The following UNC5D variants were observed in gnomAD, a reference collection of about 807,000 sequenced individuals.
The protein encoded by UNC5D is unc-5 netrin receptor D, also known as netrin receptor UNC5D.
A neutral mutation model predicts 105.4 loss-of-function variants in UNC5D; 39 were observed. The observed-to-expected ratio is 0.37, with a 90% CI of 0.29 to 0.48. The LOEUF is 0.48. Among genes scored for constraint, UNC5D ranks in the 20% least tolerant of loss-of-function variants. The pLI, the probability that UNC5D is intolerant of heterozygous loss-of-function variation, is 0.98. For missense variants in UNC5D, 991 were observed against 1,202.4 expected (o/e 0.82, Z 2.60); for synonymous variants, 452 against 450.4 (o/e 1.00, Z -0.04).
intron 3 of UNC5D, among the ~76,000 whole-genome samples, chr8:35,589,121 A>G (rs1250849932): frequency 6.6e-6 from 1 of 152,136 alleles, no homozygotes; most frequent in Non-Finnish European, 1.5e-5. Context: ...GTATTTAATA[A>G]TAATACAATT....
chr8:35,523,605 T>TAA (rs1389020640), intron 1 of UNC5D, among the ~76,000 whole-genome samples: 3 of 145,980 alleles, frequency 2.1e-5, no homozygotes, highest in Non-Finnish European at 4.5e-5. Flanking sequence ...TTTTGATGGT[T>TAA]AAAAAAATTT....
chr8:35,751,375 C>T (rs915435666), intron 13 of UNC5D, among the ~76,000 whole-genome samples: 6 of 152,112 alleles, frequency 3.9e-5, no homozygotes, highest in Admixed American at 1.3e-4. Flanking sequence ...TGCATGACTC[C>T]GAAACCATAA....
At chr8:35,328,873 T>A (rs1810383048) in intron 1 of UNC5D, among the ~76,000 whole-genome samples, 1 of 152,198 alleles carries the variant, frequency 6.6e-6, no homozygotes, top group African/African-American at 2.4e-5. Context: ...TTTTTGTTTC[T>A]TCCCCAGTCA....
intron 1 of UNC5D, among the ~76,000 whole-genome samples, chr8:35,507,235 T>A (rs1812382060): frequency 6.6e-6 from 1 of 151,654 alleles, no homozygotes; most frequent in Non-Finnish European, 1.5e-5. Flanking sequence ...TTTTGTATTT[T>A]TAGTAGAGAC....
chr8:35,419,784 A>G (rs1434893405), intron 1 of UNC5D, among the ~76,000 whole-genome samples: 1 of 152,210 alleles, frequency 6.6e-6, no homozygotes. Flanking sequence ...TACACCCACC[A>G]TTCAGCAGGC....
At chr8:35,256,173 T>G (rs1804060580) in intron 1 of UNC5D, 1 of 152,220 alleles carries the variant, frequency 6.6e-6, no homozygotes, top group Non-Finnish European at 1.5e-5. Flanking sequence ...TATTTCTTCA[T>G]AAAGCACCTC....
At chr8:35,704,657 G>C (rs1265814289) in intron 7 of UNC5D, among the ~76,000 whole-genome samples, 6 of 152,126 alleles carry the variant, frequency 3.9e-5, no homozygotes. Flanking sequence ...GGACTAATGA[G>C]AAGGAGGAAG....
chr8:35,431,299 T>A (rs1051300151), intron 1 of UNC5D, among the ~76,000 whole-genome samples: 4 of 152,214 alleles, frequency 2.6e-5, no homozygotes, highest in African/African-American at 9.6e-5. Flanking sequence ...TTATTACTCA[T>A]CTGAACATCA....
Position 35,441,164 on chromosome 8 carries a change from G to A in UNC5D, c.104-108128G>A, listed in dbSNP as rs552047360. Among the ~76,000 whole-genome samples, 44 of 151,842 alleles carry A rather than the reference G, an allele frequency of 2.9e-4. 1 individual carries two copies. The highest frequency in any genetic ancestry group is 2.7e-3 in the East Asian group (14 of 5,122). ...ATTATAGTTGCTCTTCACTACTGCC[G>A]TTTCAAATGTAGCCAGAAGGGAGAG... On this transcript the variant is annotated intron_variant, in intron 1 of 16. Transcript: ENST00000404895.
At chr8:35,695,026 A>C (rs1023996101) in intron 7 of UNC5D, among the ~76,000 whole-genome samples, 1 of 152,224 alleles carries the variant, frequency 6.6e-6, no homozygotes, top group Non-Finnish European at 1.5e-5. Context: ...CTAATGAAAT[A>C]AAATGTACTT....
intron 16 of UNC5D, among the ~76,000 whole-genome samples, chr8:35,782,410 ATAG>A (rs1802542516): frequency 6.6e-6 from 1 of 152,114 alleles, no homozygotes; most frequent in Non-Finnish European, 1.5e-5. Context: ...CTGGTGCTAT[ATAG>A]TAGGATTATA....
intron 7 of UNC5D, among the ~76,000 whole-genome samples, chr8:35,697,334 T>C (rs1826857950): frequency 6.6e-6 from 1 of 151,408 alleles, no homozygotes; most frequent in South Asian, 2.1e-4. Context: ...CTTCAGATTA[T>C]GTTTTTTTTT....
chr8:35,374,722 A>G (rs1402652558), intron 1 of UNC5D, among the ~76,000 whole-genome samples: 2 of 152,202 alleles, frequency 1.3e-5, no homozygotes. Context: ...CAGGATCTTC[A>G]TTGGTTCAGA....
At chr8:35,716,288 TTA>T (rs1205104704) in intron 8 of UNC5D, among the ~76,000 whole-genome samples, 6 of 152,184 alleles carry the variant, frequency 3.9e-5, no homozygotes, top group Admixed American at 1.3e-4. Flanking sequence ...TAGATTTTCT[TTA>T]TGAGGATGAG....
chr8:35,383,865 GC>G (rs1227590076), intron 1 of UNC5D, among the ~76,000 whole-genome samples: 5 of 152,110 alleles, frequency 3.3e-5, no homozygotes, highest in African/African-American at 7.2e-5. Context: ...AATTGCTTCA[GC>G]CCCGGAATTT....
At chr8:35,619,562 G>A (rs535388692) in intron 4 of UNC5D, among the ~76,000 whole-genome samples, 185 of 152,270 alleles carry the variant, frequency 1.2e-3, no homozygotes, top group African/African-American at 4.4e-3. Context: ...AGCTTTATGT[G>A]TCTGTCTGTC....
intron 14 of UNC5D, among the ~76,000 whole-genome samples, chr8:35,761,899 C>G (rs1801551859): frequency 6.6e-6 from 1 of 152,126 alleles, no homozygotes; most frequent in African/African-American, 2.4e-5. Context: ...ACATCATGTG[C>G]ACTGACAAAC....
intron 1 of UNC5D, chr8:35,256,485 G>A (rs1243602191): frequency 1.4e-4 from 22 of 152,022 alleles, no homozygotes; most frequent in Non-Finnish European, 2.9e-5. Flanking sequence ...ACGCCCTGAC[G>A]GGAGTTTTAT....
At position 35,549,344 on chromosome 8, in the gene UNC5D, A is replaced by G. The variant is rs756018959; in HGVS notation, c.156A>G (p.Thr52=). The part of the protein sequence containing the change: ...LPESIPSAPG[T]LPHFIEEPDD... The stretch of plus-strand genomic sequence containing the variant: ...AATCCATCCCATCAGCTCCTGGGAC[A>G]CTGCCTCATTTCATAGAGGAGCCAG... The change falls in exon 2 of 17, where the codon ACA becomes ACG. Residue 52 remains threonine (T), a synonymous_variant. Transcript: ENST00000404895. 3.7e-5 allele frequency: 60 copies of G among 1,613,554 alleles called. No homozygotes were observed. Among genetic ancestry groups the G allele is most frequent in the Non-Finnish European group, 5.0e-5 (59 of 1,180,044 alleles).
Sources: allele counts gnomAD v4.1 joint callset (sites outside exome capture counted in the v4.1 genomes callset), GRCh38; gene constraint gnomAD v4.1.1; transcripts MANE v1.5; gene names NCBI Gene and HGNC (gene_info 2026-07-23, HGNC 2026-07-21).